CNTNAP4: variants seen among roughly 807,000 people sequenced by gnomAD.
CNTNAP4 encodes the protein contactin-associated protein-like 4.
CNTNAP4 carries 98 observed loss-of-function variants against 148.4 expected under a neutral mutation model. That is an observed-to-expected ratio of 0.66 (90% confidence interval 0.56 to 0.78). The LOEUF (loss-of-function observed/expected upper bound fraction) is 0.78, where lower values mean the gene tolerates loss of function less well. Among genes scored for constraint, CNTNAP4 ranks in the 30% least tolerant of loss-of-function variants. The probability of loss-of-function intolerance (pLI) is 0.00; values close to 1 mark genes in which losing one functional copy is unlikely to be tolerated. For synonymous variants in CNTNAP4, 730 were observed against 565.1 expected, an observed-to-expected ratio of 1.29 and a Z score of -4.14; for missense variants, 1,935 against 1,565.6, an observed-to-expected ratio of 1.24 and a Z score of -3.98.
intron 3 of CNTNAP4, among the ~76,000 whole-genome samples, chr16:76,386,468 C>T (rs1025111249): frequency 2.0e-4 from 31 of 152,082 alleles, no homozygotes; most frequent in African/African-American, 7.2e-4. Context: ...AAGAATCATG[C>T]ATTTTGTTGA....
chr16:76,331,576 A>G (rs1963530101), intron 2 of CNTNAP4, among the ~76,000 whole-genome samples: 1 of 151,818 alleles, frequency 6.6e-6, no homozygotes, highest in Admixed American at 6.6e-5. Flanking sequence ...TCTATTTTGA[A>G]TTAATATTCC....
chr16:76,436,554 T>C (rs974276302), intron 4 of CNTNAP4, among the ~76,000 whole-genome samples: 1 of 152,144 alleles, frequency 6.6e-6, no homozygotes, highest in Admixed American at 6.5e-5. Context: ...ACTATCTGCT[T>C]CTGAAGCCAG....
chr16:76,550,186 A>AG (rs1248641108), intron 21 of CNTNAP4, among the ~76,000 whole-genome samples: 2 of 152,240 alleles, frequency 1.3e-5, no homozygotes, highest in African/African-American at 4.8e-5. Flanking sequence ...TTTCTGTTCC[A>AG]GTTACAACCA....
chr16:76,348,474 T>G (rs904949483), intron 2 of CNTNAP4, among the ~76,000 whole-genome samples: 1 of 152,062 alleles, frequency 6.6e-6, no homozygotes, highest in Non-Finnish European at 1.5e-5. Context: ...AGCAAAGGTC[T>G]GAGACCTGGA....
At chr16:76,304,807 G>T (rs1373089248) in intron 1 of CNTNAP4, among the ~76,000 whole-genome samples, 1 of 152,100 alleles carries the variant, frequency 6.6e-6, no homozygotes, top group Non-Finnish European at 1.5e-5. Flanking sequence ...TGGCAACAGT[G>T]GTAGGCAGAA....
intron 3 of CNTNAP4, among the ~76,000 whole-genome samples, chr16:76,424,146 A>G (rs2079292949): frequency 6.6e-6 from 1 of 152,180 alleles, no homozygotes; most frequent in Non-Finnish European, 1.5e-5. Context: ...TAAATTGATC[A>G]AGTGAAAAGT....
intron 3 of CNTNAP4, among the ~76,000 whole-genome samples, chr16:76,419,600 C>G (rs184173152): frequency 1.3e-5 from 2 of 151,932 alleles, no homozygotes; most frequent in Non-Finnish European, 1.5e-5. Flanking sequence ...GGCTTTTGTT[C>G]CAGGTGGATG....
Position 76,522,660 on chromosome 16 carries a change from C to CCTTCCT in CNTNAP4, c.2755+403_2755+404insCTTCCT, listed in dbSNP as rs1568496281. Among the ~76,000 whole-genome samples the CCTTCCT allele has an allele frequency of 1.5e-4, 14 of 92,380 alleles. 1 individual carries two copies. The highest frequency in any genetic ancestry group is 1.8e-4 in the Non-Finnish European group (8 of 44,646). 60.6% of individuals were successfully genotyped at this position (92,380 alleles called of 152,430 possible). On this transcript the variant is annotated intron_variant, in intron 17 of 23. Transcript: ENST00000611870. ...TTCTTTCTTTCTTTTCTCTCTTTCTCTCTTTCCTTCTTTCTCTCTTTCTCT... is the reference window on the plus strand; with the variant it reads ...TTCTTTCTTTCTTTTCTCTCTTTCTCCTTCCTTCTTTCCTTCTTTCTCTCTTTCTCT...
intron 23 of CNTNAP4, among the ~76,000 whole-genome samples, chr16:76,556,512 TTC>T: frequency 6.6e-6 from 1 of 152,318 alleles, no homozygotes; most frequent in South Asian, 2.1e-4. Flanking sequence ...TGTCTGGATA[TTC>T]TGTCTCGGCC....
chr16:76,531,045 C>A (rs1470336153), intron 17 of CNTNAP4, among the ~76,000 whole-genome samples: 1 of 152,152 alleles, frequency 6.6e-6, no homozygotes, highest in Non-Finnish European at 1.5e-5. Flanking sequence ...GTGTCAAAGT[C>A]AGGCAGTGTC....
chr16:76,473,647 A>G (rs937468465), intron 10 of CNTNAP4, among the ~76,000 whole-genome samples: 1 of 151,972 alleles, frequency 6.6e-6, no homozygotes, highest in Non-Finnish European at 1.5e-5. Context: ...GGTGGCAGGC[A>G]CCTGTAGTTC....
intron 18 of CNTNAP4, among the ~76,000 whole-genome samples, chr16:76,537,010 T>C (rs915156725): frequency 6.6e-6 from 1 of 152,192 alleles, no homozygotes; most frequent in Non-Finnish European, 1.5e-5. Context: ...TCTTTTCAAG[T>C]CATCTGCTTT....
chr16:76,506,422 T>C lies in CNTNAP4; in HGVS notation c.2365+7728T>C, dbSNP rs111854854. On this transcript the variant is annotated intron_variant, in intron 15 of 23. Transcript: ENST00000611870. ...TTCTTTCCTCCCTTCCTCCCTTCCTTCCTCCCTTCCCTTCCCTTCCCTTCT... is the reference window on the plus strand; with the variant it reads ...TTCTTTCCTCCCTTCCTCCCTTCCTCCCTCCCTTCCCTTCCCTTCCCTTCT... Among the ~76,000 whole-genome samples the C allele has an allele frequency of 8.3e-5, 4 of 48,184 alleles. 1 individual carries two copies. Among genetic ancestry groups the C allele is most frequent in the East Asian group, 2.5e-3 (2 of 786 alleles). 31.6% of individuals were successfully genotyped at this position (48,184 alleles called of 152,430 possible). A position where few individuals can be genotyped will look rare whatever the true frequency, so the allele number is the denominator to read the frequency against.
chr16:76,462,921 G>A (rs1325901624), intron 9 of CNTNAP4, among the ~76,000 whole-genome samples: 1 of 152,128 alleles, frequency 6.6e-6, no homozygotes, highest in Non-Finnish European at 1.5e-5. Flanking sequence ...TTTGATAGAG[G>A]TAGCTGAGTC....
intron 3 of CNTNAP4, among the ~76,000 whole-genome samples, chr16:76,361,187 G>C (rs185630326): frequency 6.6e-6 from 1 of 152,162 alleles, no homozygotes; most frequent in Admixed American, 6.5e-5. Context: ...AAATTTTTAA[G>C]TGCACAGTAC....
chr16:76,279,942 C>G (rs1399544834), intron 1 of CNTNAP4, among the ~76,000 whole-genome samples: 3 of 152,030 alleles, frequency 2.0e-5, no homozygotes, highest in Non-Finnish European at 4.4e-5. Context: ...TTTGGAAGGA[C>G]AAGTGTATAT....
intron 2 of CNTNAP4, among the ~76,000 whole-genome samples, chr16:76,348,655 A>G (rs1166472998): frequency 2.6e-5 from 4 of 152,142 alleles, no homozygotes; most frequent in Admixed American, 6.6e-5. Context: ...AACGCCACAG[A>G]TTGTCCATGT....
intron 2 of CNTNAP4, among the ~76,000 whole-genome samples, chr16:76,347,137 T>TTGTGTGTGTGTG (rs56664519): frequency 1.3e-4 from 19 of 149,558 alleles, no homozygotes; most frequent in African/African-American, 4.2e-4. Flanking sequence ...AGGCAATTGG[T>TTGTGTGTGTGTG]TGTGTGTGTG....
intron 4 of CNTNAP4, among the ~76,000 whole-genome samples, chr16:76,444,828 A>G (rs1023664751): frequency 2.0e-5 from 3 of 152,084 alleles, no homozygotes; most frequent in Admixed American, 2.0e-4. Flanking sequence ...TGTACTGATA[A>G]TGTACTCGCA....
Sources: gnomAD v4.1 joint callset for allele counts (sites outside exome capture counted in the v4.1 genomes callset) on GRCh38, gnomAD v4.1.1 for gene constraint, MANE v1.5 for transcripts, NCBI Gene and HGNC (gene_info 2026-07-23, HGNC 2026-07-21) for gene names.